Variants in CEMIP observed in about 807,000 individuals in gnomAD.
CEMIP encodes cell migration inducing hyaluronidase 1, also known as cell migration-inducing and hyaluronan-binding protein.
Under a neutral mutation model 156.9 loss-of-function variants are expected in CEMIP, and 105 were observed. That is an observed-to-expected ratio of 0.67 (90% confidence interval 0.57 to 0.79). The LOEUF is 0.79. CEMIP is among the 30% of genes least tolerant of loss of function. The probability of loss-of-function intolerance (pLI) is 0.00; values close to 1 mark genes in which losing one functional copy is unlikely to be tolerated. For missense variants in CEMIP, 1,457 were observed against 1,769.4 expected, an observed-to-expected ratio of 0.82 and a Z score of 3.17; for synonymous variants, 676 against 668.4, an observed-to-expected ratio of 1.01 and a Z score of -0.17.
intron 1 of CEMIP, among the ~76,000 whole-genome samples, chr15:80,789,988 CAG>C (rs1896039602): frequency 6.6e-6 from 1 of 152,160 alleles, no homozygotes; most frequent in Non-Finnish European, 1.5e-5. Flanking sequence ...GGCAGAGAGG[CAG>C]AGTCACTATT....
intron 1 of CEMIP, among the ~76,000 whole-genome samples, chr15:80,843,897 A>AC (rs1025271572): frequency 8.6e-5 from 13 of 151,926 alleles, no homozygotes; most frequent in Middle Eastern, 3.4e-3. Context: ...AAAGTATGAG[A>AC]CCCCTCCTTG....
At chr15:80,848,584 A>C (rs556806399) in intron 1 of CEMIP, among the ~76,000 whole-genome samples, 1 of 152,058 alleles carries the variant, frequency 6.6e-6, no homozygotes, top group Non-Finnish European at 1.5e-5. Context: ...TTTATGGAGG[A>C]TCTCTCTTGG....
Position 80,921,121 on chromosome 15 carries a change from C to T in CEMIP, c.2073+20C>T, listed in dbSNP as rs1596192723. ...TCTGAGGTGAGCAGAAATATTCCTT[C>T]TTTGGCAGAAAGTGAGGGTGGGGGC... is the stretch of plus-strand genomic sequence containing the variant. On this transcript the variant is annotated intron_variant, in intron 16 of 29. Coordinates refer to ENST00000394685, the MANE Select transcript of CEMIP (RefSeq NM_001293298.2). The T allele has an allele frequency of 1.2e-6, 2 of 1,610,592 alleles. 1 individual carries two copies. The highest frequency in any genetic ancestry group is 2.7e-5 in the African/African-American group (2 of 74,966).
At chr15:80,945,311 CAT>C (rs1424363313) in intron 28 of CEMIP, among the ~76,000 whole-genome samples, 1 of 152,214 alleles carries the variant, frequency 6.6e-6, no homozygotes, top group Non-Finnish European at 1.5e-5. Context: ...ACAAGAAGCC[CAT>C]CTCTCTGTCC....
At chr15:80,885,572 CAGA>C (rs1898805871) in intron 7 of CEMIP, among the ~76,000 whole-genome samples, 2 of 152,324 alleles carry the variant, frequency 1.3e-5, no homozygotes, top group South Asian at 2.1e-4. Flanking sequence ...ACGGCCTCAG[CAGA>C]AGAAGAAAGT....
In CEMIP at chr15:80,922,004, A is replaced by G; in HGVS notation, c.2074-5A>G. 1 of 1,614,130 alleles carries G rather than the reference A, an allele frequency of 6.2e-7. No individual in the cohort carries two copies. The highest frequency in any genetic ancestry group is 8.5e-7 in the Non-Finnish European group (1 of 1,180,014). On this transcript the variant is annotated splice_polypyrimidine_tract_variant and splice_region_variant and intron_variant, in intron 16 of 29. Transcript: ENST00000394685. Reference sequence around the variant, plus strand: ...TGGCTTTTCCCTTGTGTCCTTCCCCAACAGGAAACTGGATTTTGGTTTATT... The same window carrying G: ...TGGCTTTTCCCTTGTGTCCTTCCCCGACAGGAAACTGGATTTTGGTTTATT...
At chr15:80,885,602 T>C (rs1418333166) in intron 7 of CEMIP, among the ~76,000 whole-genome samples, 2 of 152,212 alleles carry the variant, frequency 1.3e-5, no homozygotes, top group Admixed American at 1.3e-4. Context: ...GGGCCCAAGA[T>C]CTGGCATCCA....
At chr15:80,939,057 C>G (rs2141965804) in intron 25 of CEMIP, among the ~76,000 whole-genome samples, 1 of 152,314 alleles carries the variant, frequency 6.6e-6, no homozygotes, top group South Asian at 2.1e-4. Flanking sequence ...ACACCTCTTT[C>G]CCCACACAAG....
In CEMIP at chr15:80,943,109, C is replaced by A. The variant is rs774060429; in HGVS notation, c.3857+7C>A. ...TGGCGACCATCCCTGACAAGTGAGT[C>A]TGTACCTCTGCTTCTGGAATTGGCT... On this transcript the variant is annotated splice_region_variant and intron_variant, in intron 28 of 29. Coordinates refer to ENST00000394685, the MANE Select transcript of CEMIP (RefSeq NM_001293298.2). The A allele has an allele frequency of 1.2e-6, 2 of 1,614,214 alleles. No individual in the cohort carries two copies. Among genetic ancestry groups the A allele is most frequent in the South Asian group, 1.1e-5 (1 of 91,074 alleles).
At chr15:80,890,630 C>A (rs1302316281) in intron 10 of CEMIP, among the ~76,000 whole-genome samples, 1 of 151,860 alleles carries the variant, frequency 6.6e-6, no homozygotes, top group African/African-American at 2.4e-5. Context: ...GAAAGGCCAT[C>A]TCCACCCATT....
intron 1 of CEMIP, among the ~76,000 whole-genome samples, chr15:80,868,356 G>C (rs150702079): frequency 1.9e-3 from 293 of 152,262 alleles, no homozygotes; most frequent in African/African-American, 6.8e-3. Flanking sequence ...GCAGGGAGTG[G>C]TGTTATTGTT....
chr15:80,936,173 C>T (rs1433635637), intron 23 of CEMIP, among the ~76,000 whole-genome samples: 1 of 152,206 alleles, frequency 6.6e-6, no homozygotes. Context: ...GTTGTGGCAC[C>T]ACAAGGACTG....
chr15:80,836,025 A>G lies in CEMIP; in HGVS notation c.-175-37513A>G, dbSNP rs1308204828. Reference sequence around the variant, plus strand: ...TCATGTGTAACTTGGTTTGCTCATAAAAAAAAAGTGGCTCATACTTGGTAT... The same window carrying G: ...TCATGTGTAACTTGGTTTGCTCATAGAAAAAAAGTGGCTCATACTTGGTAT... On this transcript the variant is annotated intron_variant, in intron 1 of 29. Coordinates refer to ENST00000394685, the MANE Select transcript of CEMIP (RefSeq NM_001293298.2). 1.1e-3 allele frequency among the ~76,000 whole-genome samples: 16 copies of G among 14,462 alleles called. No individual in the cohort carries two copies. The East Asian group carries it at 0.13, about 115-fold the overall frequency. 9.5% of individuals were successfully genotyped at this position (14,462 alleles called of 152,430 possible).
In CEMIP at chr15:80,895,095, C is replaced by T. The variant is rs763103218; in HGVS notation, c.1192C>T (p.Arg398Cys). 9 of 1,614,210 alleles carry T rather than the reference C, an allele frequency of 5.6e-6. No homozygotes were observed. Among genetic ancestry groups the T allele is most frequent in the Non-Finnish European group, 7.6e-6 (9 of 1,180,026 alleles). Residue 398 changes from arginine (R) to cysteine (C), a missense_variant, in exon 11 of 30, where the codon CGT becomes TGT. Physicochemically the swap from Arg to Cys is radical, Grantham distance 180. Around this residue, in one of 5 missense-constraint regions of CEMIP, gnomAD observed 280 missense variants for 300.3 expected, o/e 0.93. Transcript: ENST00000394685. ...CCGGGGCAGAGCCTGCCGGAGCTAC[C>T]GTGTACGGTTCCTCTGTGGGAAGCC... is the stretch of plus-strand genomic sequence containing the variant. ...YDRGRACRSY[R>C]VRFLCGKPVR...
chr15:80,895,791 G>A, intron 11 of CEMIP, 78 bp from the exon 12 acceptor site: 1 of 1,329,788 alleles, frequency 7.5e-7, no homozygotes, highest in Non-Finnish European at 1.1e-6. Context: ...TTTAGGGAGG[G>A]GAAGGGAAAA....
intron 1 of CEMIP, among the ~76,000 whole-genome samples, chr15:80,847,640 T>C (rs1897596093): frequency 6.6e-6 from 1 of 152,220 alleles, no homozygotes; most frequent in South Asian, 2.1e-4. Flanking sequence ...TGTGCCTGTG[T>C]GATGGTCCTA....
chr15:80,885,760 T>C (rs1222335686), intron 7 of CEMIP, among the ~76,000 whole-genome samples: 1 of 152,188 alleles, frequency 6.6e-6, no homozygotes, highest in Non-Finnish European at 1.5e-5. Context: ...TGTGATAATA[T>C]GAACAAAATA....
At chr15:80,902,923 C>T (rs1041111753) in intron 12 of CEMIP, among the ~76,000 whole-genome samples, 2 of 152,188 alleles carry the variant, frequency 1.3e-5, no homozygotes, top group African/African-American at 4.8e-5. Flanking sequence ...ACTCATTTAA[C>T]AATCACAGCC....
In CEMIP at chr15:80,884,299, G is replaced by A; in HGVS notation, c.742G>A (p.Ala248Thr). 2 of 1,614,182 alleles carry A rather than the reference G, an allele frequency of 1.2e-6. No homozygotes were observed. The highest frequency in any genetic ancestry group is 1.7e-6 in the Non-Finnish European group (2 of 1,180,044). ...AGGTTCTCGAAATCTGGATGACATG[G>A]CCAGGAAGGCGATGACCAAATTGGG... ...DEGSRNLDDM[A>T]RKAMTKLGSK... Residue 248 changes from alanine (A) to threonine (T), a missense_variant, in exon 7 of 30, where the codon GCC (alanine) becomes ACC (threonine). This residue lies in a region of CEMIP where 309 missense variants were observed against 340.8 expected (regional missense o/e 0.91). Transcript: ENST00000394685.
Sources: gnomAD v4.1 joint callset for allele counts (sites outside exome capture counted in the v4.1 genomes callset) on GRCh38, gnomAD v4.1.1 for gene constraint, gnomAD v4.1.1 regional missense constraint, MANE v1.5 for transcripts, NCBI Gene and HGNC (gene_info 2026-07-23, HGNC 2026-07-21) for gene names.